Variants in PRR5L observed in about 807,000 individuals in gnomAD.
PRR5L encodes the protein proline rich 5 like, also known as proline-rich protein 5-like.
Under a neutral mutation model 36.4 loss-of-function variants are expected in PRR5L, and 21 were observed. The observed-to-expected ratio is 0.58, with a 90% CI of 0.41 to 0.83. The LOEUF is 0.83. Among genes scored for constraint, PRR5L ranks in the 40% least tolerant of loss-of-function variants. PRR5L has a pLI of 0.00. For synonymous variants in PRR5L, 188 were observed against 197.0 expected (o/e 0.95, Z 0.38); for missense variants, 381 against 473.3 (o/e 0.80, Z 1.81).
At chr11:36,351,264 T>TCATATATTTA (rs1856941280) in intron 1 of PRR5L, among the ~76,000 whole-genome samples, 3 of 14,132 alleles carry the variant, frequency 2.1e-4, no homozygotes, top group East Asian at 3.3e-3. Flanking sequence ...ATATGTATAT[T>TCATATATTTA]TATATATTTA....
intron 1 of PRR5L, among the ~76,000 whole-genome samples, chr11:36,365,837 G>A (rs1308081084): frequency 6.6e-6 from 1 of 152,162 alleles, no homozygotes; most frequent in Non-Finnish European, 1.5e-5. Flanking sequence ...ACCAGTTAAC[G>A]CTGGAGAAAG....
intron 8 of PRR5L, among the ~76,000 whole-genome samples, chr11:36,452,083 A>G (rs1858957709): frequency 6.6e-6 from 1 of 152,224 alleles, no homozygotes; most frequent in African/African-American, 2.4e-5. Flanking sequence ...TAATTATAAT[A>G]ATAAAAAACC....
chr11:36,375,360 T>C lies in PRR5L; in HGVS notation c.-125-25637T>C, dbSNP rs182074973. Among the ~76,000 whole-genome samples, 602 of 152,298 alleles carry C rather than the reference T, an allele frequency of 4.0e-3. 9 individuals carry two copies. The highest frequency in any genetic ancestry group is 3.4e-3 in the Middle Eastern group (1 of 294). On this transcript the variant is annotated intron_variant, in intron 1 of 8. Transcript: ENST00000530639. ...TCTAGGGCTTCTGTTGAGGATCTTT[T>C]AGCTTTACCTAATATCGCAGGACAA...
At chr11:36,315,769 A>T (rs559579365) in intron 1 of PRR5L, among the ~76,000 whole-genome samples, 71 of 152,336 alleles carry the variant, frequency 4.7e-4, no homozygotes, top group Non-Finnish European at 8.7e-4. Context: ...AGCAAATTTA[A>T]TGTGATGTTG....
At chr11:36,339,121 A>G (rs1838870) in intron 1 of PRR5L, among the ~76,000 whole-genome samples, 13,261 of 152,188 alleles carry the variant, frequency 0.087, 1,923 homozygotes, top group African/African-American at 0.3. Flanking sequence ...TTTCTTTTGT[A>G]AATTGCCCAG....
chr11:36,324,296 T>C (rs1020011601), intron 1 of PRR5L, among the ~76,000 whole-genome samples: 6 of 151,620 alleles, frequency 4.0e-5, no homozygotes, highest in African/African-American at 1.5e-4. Context: ...ACCCAAAAAA[T>C]ATATACTGCA....
At chr11:36,333,026 T>G (rs12421046) in intron 1 of PRR5L, among the ~76,000 whole-genome samples, 15,703 of 152,274 alleles carry the variant, frequency 0.1, 1,546 homozygotes, top group African/African-American at 0.26. Flanking sequence ...CATCATCTGT[T>G]GTCTGAACTA....
At position 36,327,629 on chromosome 11, in the gene PRR5L, A is replaced by C. The variant is rs571173820; in HGVS notation, c.-126+31191A>C. ...TTAAGTGAGAATCTAGCACTTTTAA[A>C]GGTCTGAATAGAAATCACTGGTCAT... is the stretch of plus-strand genomic sequence containing the variant. On this transcript the variant is annotated intron_variant, in intron 1 of 8. Coordinates refer to ENST00000530639, the MANE Select transcript of PRR5L (RefSeq NM_001160167.2). 1.1e-4 allele frequency among the ~76,000 whole-genome samples: 16 copies of C among 152,292 alleles called. No individual in the cohort carries two copies. The South Asian group carries it at 2.3e-3, about 22-fold the overall frequency.
At chr11:36,351,481 A>T (rs1350385267) in intron 1 of PRR5L, among the ~76,000 whole-genome samples, 5 of 37,364 alleles carry the variant, frequency 1.3e-4, no homozygotes, top group South Asian at 1.4e-3. Flanking sequence ...ATACATATAT[A>T]TTTATATATT....
At position 36,368,651 on chromosome 11, in the gene PRR5L, A is replaced by C. The variant is rs538631277; in HGVS notation, c.-125-32346A>C. Among the ~76,000 whole-genome samples the C allele has an allele frequency of 2.6e-5, 4 of 152,358 alleles. No homozygotes were observed. The South Asian group carries it at 8.3e-4, about 32-fold the overall frequency. ...TCCAGAGTCTACGTAATGTATGATAATGCAACAACAGATTGAATGCAGAAG... is the reference window on the plus strand; with the variant it reads ...TCCAGAGTCTACGTAATGTATGATACTGCAACAACAGATTGAATGCAGAAG... On this transcript the variant is annotated intron_variant, in intron 1 of 8. Coordinates refer to ENST00000530639, the MANE Select transcript of PRR5L (RefSeq NM_001160167.2).
intron 1 of PRR5L, among the ~76,000 whole-genome samples, chr11:36,318,883 A>G (rs80193511): frequency 0.083 from 12,665 of 152,280 alleles, 684 homozygotes; most frequent in Non-Finnish European, 0.12. Flanking sequence ...AGGCTTAAAC[A>G]TAACAAAGGA....
chr11:36,430,923 G>T (rs769679310), intron 4 of PRR5L, among the ~76,000 whole-genome samples: 1 of 152,190 alleles, frequency 6.6e-6, no homozygotes, highest in Non-Finnish European at 1.5e-5. Context: ...GAAGGCTAAA[G>T]AATGCATTAG....
intron 1 of PRR5L, among the ~76,000 whole-genome samples, chr11:36,339,921 C>A (rs1341618358): frequency 6.6e-6 from 1 of 152,224 alleles, no homozygotes; most frequent in Non-Finnish European, 1.5e-5. Flanking sequence ...CAGCTGCCAG[C>A]CCTCTGTCCC....
At chr11:36,419,443 G>T in intron 4 of PRR5L, 140 bp downstream of exon 4, 1 of 743,842 alleles carries the variant, frequency 1.3e-6, no homozygotes, top group Non-Finnish European at 2.4e-6. Context: ...TGTGCTGCAC[G>T]TTGCAGAGGG....
At chr11:36,453,478 G>C (rs1362230843) in intron 8 of PRR5L, among the ~76,000 whole-genome samples, 5 of 152,194 alleles carry the variant, frequency 3.3e-5, no homozygotes, top group African/African-American at 1.2e-4. Flanking sequence ...TTTTATTCTT[G>C]TACCTAGGAC....
At position 36,386,954 on chromosome 11, in the gene PRR5L, C is replaced by T. The variant is rs1857468042; in HGVS notation, c.-125-14043C>T. On this transcript the variant is annotated intron_variant, in intron 1 of 8. Transcript: ENST00000530639. ...GACAATTGATTTGACCAAATGGCCC[C>T]ACCACTTTTGAAAATCTGCTTGTGA... Among the ~76,000 whole-genome samples, 4 of 152,190 alleles carry T rather than the reference C, an allele frequency of 2.6e-5. No individual in the cohort carries two copies. In the South Asian group the frequency reaches 8.3e-4, roughly 31 times the overall value.
chr11:36,365,878 A>G (rs1429038142), intron 1 of PRR5L, among the ~76,000 whole-genome samples: 1 of 152,174 alleles, frequency 6.6e-6, no homozygotes, highest in Admixed American at 6.5e-5. Flanking sequence ...GCAGCCATCC[A>G]CCTGGCTGGC....
At chr11:36,387,039 T>A (rs1857470426) in intron 1 of PRR5L, among the ~76,000 whole-genome samples, 2 of 152,202 alleles carry the variant, frequency 1.3e-5, no homozygotes, top group South Asian at 4.1e-4. Context: ...TCTAGTCTCC[T>A]ATGCTGGCTT....
At position 36,419,740 on chromosome 11, in the gene PRR5L, T is replaced by C. The variant is rs897537528; in HGVS notation, c.294+437T>C. ...CATTGTCTGGCTTCATAGAAGACAG[T>C]TGGATTCTTATATCTGCTTCACTTT... On this transcript the variant is annotated intron_variant, in intron 4 of 8. Coordinates refer to ENST00000530639, the MANE Select transcript of PRR5L (RefSeq NM_001160167.2). 5.9e-5 allele frequency among the ~76,000 whole-genome samples: 9 copies of C among 152,158 alleles called. 1 individual carries two copies. The highest frequency in any genetic ancestry group is 1.9e-4 in the African/African-American group (8 of 41,436).
Sources: allele counts gnomAD v4.1 joint callset (sites outside exome capture counted in the v4.1 genomes callset), GRCh38; gene constraint gnomAD v4.1.1; transcripts MANE v1.5; gene names NCBI Gene and HGNC (gene_info 2026-07-23, HGNC 2026-07-21).